The following MBNL2 variants were observed in gnomAD, a reference collection of about 807,000 sequenced individuals.
MBNL2 encodes muscleblind-like protein 2.
MBNL2 carries 17 observed loss-of-function variants against 41.9 expected under a neutral mutation model. That is an observed-to-expected ratio of 0.41 (90% CI 0.28 to 0.61). The LOEUF (loss-of-function observed/expected upper bound fraction) is 0.61. Among genes scored for constraint, MBNL2 ranks in the 20% least tolerant of loss-of-function variants. MBNL2 has a pLI of 0.35. For synonymous variants in MBNL2, 195 were observed against 182.9 expected, an observed-to-expected ratio of 1.07 and a Z score of -0.53; for missense variants, 336 against 505.6, an observed-to-expected ratio of 0.66 and a Z score of 3.22.
chr13:97,255,076 C>T (rs1358574284), intron 1 of MBNL2, among the ~76,000 whole-genome samples: 2 of 152,184 alleles, frequency 1.3e-5, no homozygotes, highest in African/African-American at 4.8e-5. Context: ...CAATGAGTCA[C>T]AAGCAGCTCC....
intron 1 of MBNL2, among the ~76,000 whole-genome samples, chr13:97,222,778 A>G (rs1171546261): frequency 6.6e-6 from 1 of 152,210 alleles, no homozygotes; most frequent in Non-Finnish European, 1.5e-5. Flanking sequence ...CGATTCATTT[A>G]TTATATTATT....
intron 2 of MBNL2, among the ~76,000 whole-genome samples, chr13:97,292,023 C>A (rs1473361475): frequency 6.6e-6 from 1 of 151,338 alleles, no homozygotes; most frequent in African/African-American, 2.4e-5. Flanking sequence ...CACGGTGAAA[C>A]CCCATCTCTA....
chr13:97,158,725 C>T, the MBNL2 span, among the ~76,000 whole-genome samples: 2 of 151,876 alleles, frequency 1.3e-5, no homozygotes, highest in Non-Finnish European at 2.9e-5. Flanking sequence ...ATTCTTAATC[C>T]TGAGTTCTAG....
Position 97,348,011 on chromosome 13 carries a change from G to A in MBNL2, c.804+944G>A, listed in dbSNP as rs1300312060. Among the ~76,000 whole-genome samples the A allele has an allele frequency of 2.6e-5, 4 of 151,228 alleles. No homozygotes were observed. The South Asian group carries it at 6.3e-4, about 24-fold the overall frequency. On this transcript the variant is annotated intron_variant, in intron 5 of 8. Transcript: ENST00000679496. ...ACCTGAAGGGTCTGACCTGACATCT[G>A]TCCCTTTCCCTGAAGTTTCTTATTT...
chr13:97,266,809 T>C (rs1331939762), intron 1 of MBNL2, among the ~76,000 whole-genome samples: 1 of 152,154 alleles, frequency 6.6e-6, no homozygotes, highest in Non-Finnish European at 1.5e-5. Flanking sequence ...AGACAAGGTT[T>C]CTTTCTTGTA....
intron 4 of MBNL2, among the ~76,000 whole-genome samples, chr13:97,344,645 C>T (rs1400668817): frequency 6.6e-6 from 1 of 152,172 alleles, no homozygotes; most frequent in Non-Finnish European, 1.5e-5. Flanking sequence ...CTAATTGTTA[C>T]TATTTTGAAA....
the MBNL2 span, among the ~76,000 whole-genome samples, chr13:97,205,727 A>C: frequency 6.6e-6 from 1 of 152,218 alleles, no homozygotes; most frequent in Non-Finnish European, 1.5e-5. Context: ...AGCTTTTACT[A>C]AGATGATTTA....
chr13:97,189,003 C>T, the MBNL2 span, among the ~76,000 whole-genome samples: 1 of 152,276 alleles, frequency 6.6e-6, no homozygotes, highest in South Asian at 2.1e-4. Context: ...TTCATACATC[C>T]CTCCATCTAG....
At chr13:97,288,088 T>C (rs1355691173) in intron 2 of MBNL2, among the ~76,000 whole-genome samples, 1 of 152,052 alleles carries the variant, frequency 6.6e-6, no homozygotes, top group Non-Finnish European at 1.5e-5. Flanking sequence ...TTTATTTCTT[T>C]TATAAAATGA....
chr13:97,336,669 AG>A lies in MBNL2; in HGVS notation c.339+2230del, dbSNP rs928243371. On this transcript the variant is annotated intron_variant, in intron 3 of 8. Coordinates refer to ENST00000679496, the MANE Select transcript of MBNL2 (RefSeq NM_001382683.1). ...CCCCTAGAGCCTCTGGAGGGAGGGC[AG>A]TCCTACCAACACCTTGATTTTGGCC... 2.0e-5 allele frequency among the ~76,000 whole-genome samples: 3 copies of A among 152,192 alleles called. No individual in the cohort carries two copies. The South Asian group carries it at 6.2e-4, about 32-fold the overall frequency.
the MBNL2 span, among the ~76,000 whole-genome samples, chr13:97,166,825 T>TAGAA: frequency 6.5e-4 from 90 of 137,682 alleles, no homozygotes; most frequent in East Asian, 3.1e-3. Context: ...GATAGATAGA[T>TAGAA]AGATAGATAG....
chr13:97,247,900 C>A (rs918569492), intron 1 of MBNL2, among the ~76,000 whole-genome samples: 2 of 152,154 alleles, frequency 1.3e-5, no homozygotes, highest in East Asian at 1.9e-4. Flanking sequence ...CCCCAATTAC[C>A]TTTTCAGTCT....
chr13:97,297,568 A>T (rs16954000), intron 2 of MBNL2, among the ~76,000 whole-genome samples: 14,569 of 152,128 alleles, frequency 0.096, 800 homozygotes, highest in African/African-American at 0.14. Flanking sequence ...CTATTCTCTC[A>T]GCCATCCCCT....
intron 1 of MBNL2, among the ~76,000 whole-genome samples, chr13:97,240,465 AATAAG>A (rs1483280836): frequency 3.9e-5 from 6 of 152,228 alleles, no homozygotes; most frequent in African/African-American, 1.4e-4. Context: ...TACATTAATA[AATAAG>A]ATATAGTTAT....
intron 2 of MBNL2, among the ~76,000 whole-genome samples, chr13:97,325,884 A>T (rs1434493088): frequency 1.3e-5 from 2 of 152,220 alleles, no homozygotes; most frequent in Non-Finnish European, 2.9e-5. Flanking sequence ...GGCCAGTGCC[A>T]GTGGTGCTTG....
At chr13:97,356,769 C>A in intron 5 of MBNL2, 27 bp from the exon 6 acceptor site, 1 of 1,355,126 alleles carries the variant, frequency 7.4e-7, no homozygotes, top group Admixed American at 1.9e-5. Flanking sequence ...CCACTGCCAT[C>A]ATGTGCTCGC....
At chr13:97,274,217 G>A (rs370722161) in intron 1 of MBNL2, among the ~76,000 whole-genome samples, 249 of 152,294 alleles carry the variant, frequency 1.6e-3, no homozygotes, top group African/African-American at 5.4e-3. Context: ...GGCCGGGCAC[G>A]GTGGCTCACG....
intron 1 of MBNL2, among the ~76,000 whole-genome samples, chr13:97,245,893 T>G (rs954503817): frequency 7.9e-5 from 12 of 152,186 alleles, no homozygotes; most frequent in African/African-American, 2.7e-4. Flanking sequence ...TGAAGTTAAG[T>G]AACAGATGAT....
At chr13:97,236,563 C>T (rs974561190) in intron 1 of MBNL2, among the ~76,000 whole-genome samples, 2 of 151,026 alleles carry the variant, frequency 1.3e-5, no homozygotes, top group Non-Finnish European at 2.9e-5. Context: ...AGCTGGCTAC[C>T]TTGTACTTTG....
Sources: gnomAD v4.1 joint callset for allele counts (sites outside exome capture counted in the v4.1 genomes callset) on GRCh38, gnomAD v4.1.1 for gene constraint, MANE v1.5 for transcripts, NCBI Gene and HGNC (gene_info 2026-07-23, HGNC 2026-07-21) for gene names.